TUSC3: variants seen among roughly 807,000 people sequenced by gnomAD.
TUSC3 encodes dolichyl-diphosphooligosaccharide--protein glycosyltransferase subunit TUSC3.
A neutral mutation model predicts 44.8 loss-of-function variants in TUSC3; 45 were observed. That is an observed-to-expected ratio of 1.00 (90% confidence interval 0.79 to 1.29). TUSC3 has a LOEUF of 1.29. TUSC3 is among the 50% of genes most tolerant of loss of function. The pLI, the probability that TUSC3 is intolerant of heterozygous loss-of-function variation, is 0.00. For synonymous variants in TUSC3, 212 were observed against 152.9 expected, an observed-to-expected ratio of 1.39 and a Z score of -2.85; for missense variants, 519 against 437.9, an observed-to-expected ratio of 1.19 and a Z score of -1.65.
intron 2 of TUSC3, among the ~76,000 whole-genome samples, chr8:15,626,608 C>G (rs549768014): frequency 6.6e-6 from 1 of 152,164 alleles, no homozygotes; most frequent in African/African-American, 2.4e-5. Context: ...CTCTCAGTGG[C>G]CCAGGAAGGC....
intron 3 of TUSC3, among the ~76,000 whole-genome samples, chr8:15,657,078 A>G (rs78365874): frequency 0.041 from 6,266 of 152,204 alleles, 263 homozygotes; most frequent in East Asian, 0.16. Context: ...AGAGCTCTGA[A>G]ATGCCTTCAG....
At chr8:15,806,037 A>G in the TUSC3 span, 1 of 245,912 alleles carries the variant, frequency 4.1e-6, no homozygotes, top group Non-Finnish European at 8.1e-6. Flanking sequence ...ATTCTTACCC[A>G]TGTCATATCC....
chr8:15,669,276 A>C (rs926027992), intron 5 of TUSC3, among the ~76,000 whole-genome samples: 3 of 151,852 alleles, frequency 2.0e-5, no homozygotes, highest in Non-Finnish European at 4.4e-5. Flanking sequence ...TGAATCCAAC[A>C]TTGCTAAAAC....
intron 6 of TUSC3, among the ~76,000 whole-genome samples, chr8:15,709,581 G>A (rs1321648477): frequency 1.3e-5 from 2 of 151,794 alleles, no homozygotes; most frequent in African/African-American, 2.4e-5. Flanking sequence ...CTAAGAGCAC[G>A]GGGAAAGCTT....
chr8:15,706,380 G>T (rs1050437806), intron 6 of TUSC3, among the ~76,000 whole-genome samples: 1 of 151,964 alleles, frequency 6.6e-6, no homozygotes, highest in Non-Finnish European at 1.5e-5. Flanking sequence ...CTCAGGAAAT[G>T]AAAGAAAGAT....
the TUSC3 span, among the ~76,000 whole-genome samples, chr8:15,791,530 GACCA>G: frequency 6.6e-6 from 1 of 152,112 alleles, no homozygotes; most frequent in Admixed American, 6.6e-5. Flanking sequence ...AGACTGGGGA[GACCA>G]CTGTTTCGAG....
In TUSC3 at chr8:15,651,004, C is replaced by G. The variant is rs78818782; in HGVS notation, c.426+190C>G. The G allele has an allele frequency of 2.6e-4, 141 of 542,262 alleles. 1 individual carries two copies. Among genetic ancestry groups the G allele is most frequent in the Admixed American group, 1.3e-3 (42 of 31,860 alleles). The allele number at this position is 542,262 out of a possible 1,614,324, so 33.6% of individuals were successfully genotyped here. Reference sequence around the variant, plus strand: ...ACTTTTACACACACACACACACACACACACACACACACACACACAAATACA... The same window carrying G: ...ACTTTTACACACACACACACACACAGACACACACACACACACACAAATACA... On this transcript the variant is annotated intron_variant, in intron 3 of 10. Coordinates refer to ENST00000503731, the MANE Select transcript of TUSC3 (RefSeq NM_006765.4).
At chr8:15,607,118 G>T (rs541531780) in intron 1 of TUSC3, among the ~76,000 whole-genome samples, 44 of 152,076 alleles carry the variant, frequency 2.9e-4, no homozygotes, top group African/African-American at 1.0e-3. Context: ...TTTTAAAAAG[G>T]GCATTTCTCC....
At chr8:15,664,582 C>G (rs1446093194) in intron 5 of TUSC3, among the ~76,000 whole-genome samples, 1 of 149,408 alleles carries the variant, frequency 6.7e-6, no homozygotes, top group Non-Finnish European at 1.5e-5. Context: ...CAATCACAGC[C>G]TTTTAGAAGT....
chr8:15,808,261 G>C, the TUSC3 span, among the ~76,000 whole-genome samples: 2 of 151,840 alleles, frequency 1.3e-5, no homozygotes, highest in Admixed American at 1.3e-4. Flanking sequence ...AAGACTTTTT[G>C]TTTCAAATAT....
At chr8:15,447,279 G>C (rs1800118499) in intron 1 of TUSC3, among the ~76,000 whole-genome samples, 1 of 152,082 alleles carries the variant, frequency 6.6e-6, no homozygotes, top group Non-Finnish European at 1.5e-5. Context: ...AAGATCTAAG[G>C]AGTTTTGAAG....
At chr8:15,523,502 A>C (rs1258491062) in intron 2 of TUSC3, among the ~76,000 whole-genome samples, 1 of 151,826 alleles carries the variant, frequency 6.6e-6, no homozygotes, top group Non-Finnish European at 1.5e-5. Context: ...GCTTATTCCA[A>C]ATTCTAAGAT....
chr8:15,438,105 G>T (rs5006325), intron 1 of TUSC3, among the ~76,000 whole-genome samples: 24,692 of 151,986 alleles, frequency 0.16, 2,069 homozygotes, highest in Middle Eastern at 0.22. Flanking sequence ...GTGTTTTGTT[G>T]GGTTTTTTGA....
intron 2 of TUSC3, among the ~76,000 whole-genome samples, chr8:15,636,677 G>C (rs1457681500): frequency 6.6e-6 from 1 of 152,210 alleles, no homozygotes; most frequent in African/African-American, 2.4e-5. Flanking sequence ...AACATTTGCA[G>C]TGCAGCCTGT....
chr8:15,649,463 A>G (rs1806787307), intron 2 of TUSC3, among the ~76,000 whole-genome samples: 1 of 152,038 alleles, frequency 6.6e-6, no homozygotes, highest in African/African-American at 2.4e-5. Flanking sequence ...GGGCGCCTGT[A>G]GTCCCAGCTG....
At chr8:15,567,767 C>A (rs560375733) in intron 1 of TUSC3, among the ~76,000 whole-genome samples, 1 of 152,236 alleles carries the variant, frequency 6.6e-6, no homozygotes, top group Admixed American at 6.5e-5. Flanking sequence ...TTTTGCCTCT[C>A]TACAAAATTT....
chr8:15,427,884 T>C (rs944978806), intron 1 of TUSC3, among the ~76,000 whole-genome samples: 1 of 152,158 alleles, frequency 6.6e-6, no homozygotes, highest in African/African-American at 2.4e-5. Flanking sequence ...CAGTTTCAAG[T>C]TTTCCATTTA....
intron 6 of TUSC3, among the ~76,000 whole-genome samples, chr8:15,722,154 T>C (rs1358444131): frequency 6.6e-6 from 1 of 152,058 alleles, no homozygotes; most frequent in Admixed American, 6.6e-5. Context: ...GTCTATGTTT[T>C]TGTTGGCTGA....
At chr8:15,439,224 A>G (rs867647749) in intron 1 of TUSC3, among the ~76,000 whole-genome samples, 2 of 152,332 alleles carry the variant, frequency 1.3e-5, no homozygotes, top group Admixed American at 6.5e-5. Context: ...AAACCCAGTG[A>G]TGCAGTCCAT....
Sources: allele counts gnomAD v4.1 joint callset (sites outside exome capture counted in the v4.1 genomes callset), GRCh38; gene constraint gnomAD v4.1.1; transcripts MANE v1.5; gene names NCBI Gene and HGNC (gene_info 2026-07-23, HGNC 2026-07-21).